The following MAK16 variants were observed in gnomAD, a reference collection of about 807,000 sequenced individuals.
The protein encoded by MAK16 is protein MAK16 homolog.
Under a neutral mutation model 49.9 loss-of-function variants are expected in MAK16, and 12 were observed. The ratio of observed to expected loss-of-function variants is 0.24; its 90% CI spans 0.15 to 0.39. The LOEUF (loss-of-function observed/expected upper bound fraction) is 0.39. Among genes scored for constraint, MAK16 ranks in the 10% least tolerant of loss-of-function variants. MAK16 has a pLI of 1.00. For missense variants in MAK16, 292 were observed against 363.7 expected, an observed-to-expected ratio of 0.80 and a Z score of 1.60; for synonymous variants, 115 against 126.4, an observed-to-expected ratio of 0.91 and a Z score of 0.60.
chr8:33,491,995 T>C (rs910853875), intron 6 of MAK16, among the ~76,000 whole-genome samples: 3 of 151,656 alleles, frequency 2.0e-5, no homozygotes, highest in African/African-American at 7.3e-5. Context: ...TTGAGCTCCT[T>C]ATATAGTCTG....
Position 33,500,745 on chromosome 8 carries a change from TTC to T in MAK16, c.*2118_*2119del. ...TGCTCTCTTCCTTCCAGAAGCTTGG[TTC>T]TACTGTAAGCAACAGCTCCTTCATG... On this transcript the variant is annotated 3_prime_UTR_variant, in exon 10 of 10. Transcript: ENST00000360128. The T allele has an allele frequency of 4.5e-6, 2 of 441,898 alleles. No homozygotes were observed. Among genetic ancestry groups the T allele is most frequent in the East Asian group, 9.0e-5 (2 of 22,130 alleles). The allele number at this position is 441,898 out of a possible 1,614,324, so 27.4% of individuals were successfully genotyped here.
intron 1 of MAK16, among the ~76,000 whole-genome samples, chr8:33,488,176 A>G (rs1256175247): frequency 6.6e-6 from 1 of 151,846 alleles, no homozygotes; most frequent in African/African-American, 2.4e-5. Context: ...GATCCGCCCA[A>G]CTCAGCCTCC....
rs1390915809 is a variant in MAK16, at chr8:33,500,439, A to G, written c.*1810A>G. The G allele has an allele frequency of 6.2e-7, 1 of 1,614,112 alleles. No homozygotes were observed. The highest frequency in any genetic ancestry group is 8.5e-7 in the Non-Finnish European group (1 of 1,180,010). On this transcript the variant is annotated 3_prime_UTR_variant, in exon 10 of 10. Transcript: ENST00000360128. ...TAAGGTTTGGATCCCTTGCTACATCACAAATCAGTTTCAAGAGGGCCTTCA... is the reference window on the plus strand; with the variant it reads ...TAAGGTTTGGATCCCTTGCTACATCGCAAATCAGTTTCAAGAGGGCCTTCA...
At position 33,496,563 on chromosome 8, in the gene MAK16, A is replaced by G; in HGVS notation, c.523-62A>G. On this transcript the variant is annotated intron_variant, in intron 7 of 9. Transcript: ENST00000360128. ...GGAAAAAGTAATATTCTCCACAGAA[A>G]GTGGAACTTCAAGTGTAATATCCAA... is the stretch of plus-strand genomic sequence containing the variant. 17 of 1,234,502 alleles carry G rather than the reference A, an allele frequency of 1.4e-5. No homozygotes were observed. The South Asian group carries it at 1.6e-4, about 11-fold the overall frequency. The allele number at this position is 1,234,502 out of a possible 1,614,324, so 76.5% of individuals were successfully genotyped here. A position where few individuals can be genotyped will look rare whatever the true frequency, so the allele number is the denominator to read the frequency against.
Sources: gnomAD v4.1 joint callset for allele counts (sites outside exome capture counted in the v4.1 genomes callset) on GRCh38, gnomAD v4.1.1 for gene constraint, MANE v1.5 for transcripts, NCBI Gene and HGNC (gene_info 2026-07-23, HGNC 2026-07-21) for gene names.